NRCAM: variants seen among roughly 807,000 people sequenced by gnomAD.
NRCAM encodes NgCAM-related cell adhesion molecule.
NRCAM carries 83 observed loss-of-function variants against 156.5 expected under a neutral mutation model. The ratio of observed to expected loss-of-function variants is 0.53; its 90% confidence interval spans 0.44 to 0.64. NRCAM has a LOEUF of 0.64. Among genes scored for constraint, NRCAM ranks in the 30% least tolerant of loss-of-function variants. The pLI is 0.00. For synonymous variants in NRCAM, 538 were observed against 563.9 expected (o/e 0.95, Z 0.65); for missense variants, 1,417 against 1,597.3 (o/e 0.89, Z 1.92).
chr7:108,199,626 T>G (rs2076901499), intron 13 of NRCAM, among the ~76,000 whole-genome samples: 1 of 152,342 alleles, frequency 6.6e-6, no homozygotes, highest in East Asian at 1.9e-4. Flanking sequence ...GTTGCATCTC[T>G]CTGATCATTC....
intron 3 of NRCAM, among the ~76,000 whole-genome samples, chr7:108,297,466 A>T (rs1180737009): frequency 1.3e-5 from 2 of 152,240 alleles, no homozygotes; most frequent in Admixed American, 6.5e-5. Context: ...AGCTAACAAC[A>T]TTATCTGACA....
At chr7:108,392,120 T>C (rs555801493) in intron 2 of NRCAM, among the ~76,000 whole-genome samples, 3 of 152,336 alleles carry the variant, frequency 2.0e-5, no homozygotes, top group Non-Finnish European at 2.9e-5. Flanking sequence ...AATGTTGGCC[T>C]GCCTTGCTAT....
intron 13 of NRCAM, among the ~76,000 whole-genome samples, chr7:108,201,648 A>G (rs1439830150): frequency 3.3e-4 from 50 of 152,182 alleles, no homozygotes; most frequent in Admixed American, 3.3e-3. Flanking sequence ...TCAGTAGGAC[A>G]ATTTTCCCCA....
intron 3 of NRCAM, among the ~76,000 whole-genome samples, chr7:108,309,323 G>C (rs898038477): frequency 3.9e-5 from 6 of 152,144 alleles, no homozygotes; most frequent in Non-Finnish European, 8.8e-5. Flanking sequence ...AACTTTACTG[G>C]TATAAAACAA....
At position 108,189,687 on chromosome 7, in the gene NRCAM, G is replaced by A; in HGVS notation, c.1993C>T (p.Leu665=). 1 of 1,559,318 alleles carries A rather than the reference G, an allele frequency of 6.4e-7. No individual in the cohort carries two copies. Among genetic ancestry groups the A allele is most frequent in the Non-Finnish European group, 8.8e-7 (1 of 1,132,440 alleles). The change falls in exon 20 of 33, where the codon CTG becomes TTG. Residue 665 remains leucine (L), a synonymous_variant. Coordinates refer to ENST00000379028, the MANE Select transcript of NRCAM (RefSeq NM_001037132.4). ...TTGTCATCGCCTGGGGTCCATGACA[G>A]CTGAACACTTTTGTCAAGTTGATCT... ...LTDQLDKSVQ[L]SWTPGDDNNS...
chr7:108,446,826 G>A (rs1192644638), intron 1 of NRCAM, among the ~76,000 whole-genome samples: 1 of 150,172 alleles, frequency 6.7e-6, no homozygotes, highest in East Asian at 2.0e-4. Flanking sequence ...CTCCTGGGTT[G>A]AGGTGATTCT....
intron 12 of NRCAM, among the ~76,000 whole-genome samples, chr7:108,208,458 T>TA (rs2082313599): frequency 6.6e-6 from 1 of 152,214 alleles, no homozygotes; most frequent in African/African-American, 2.4e-5. Context: ...GTTAACATCT[T>TA]ATGTGACCAT....
Position 108,407,379 on chromosome 7 carries a change from G to A in NRCAM, c.-331-7786C>T, listed in dbSNP as rs192526689. On this transcript the variant is annotated intron_variant, in intron 1 of 32. Coordinates refer to ENST00000379028, the MANE Select transcript of NRCAM (RefSeq NM_001037132.4). ...TTTTATATGATTTTTTTAAAGGTGC[G>A]CTATTTTACTAGCACTGGCTGAAAA... is the stretch of plus-strand genomic sequence containing the variant. Among the ~76,000 whole-genome samples, 161 of 152,090 alleles carry A rather than the reference G, an allele frequency of 1.1e-3. 1 individual carries two copies. The highest frequency in any genetic ancestry group is 3.6e-3 in the African/African-American group (150 of 41,512).
rs535748967 is a variant in NRCAM at position 108,445,758 on chromosome 7, G to T, written c.-332+10485C>A. Among the ~76,000 whole-genome samples, 5 of 152,198 alleles carry T rather than the reference G, an allele frequency of 3.3e-5. No individual in the cohort carries two copies. The East Asian group carries it at 9.6e-4, about 29-fold the overall frequency. On this transcript the variant is annotated intron_variant, in intron 1 of 32. Transcript: ENST00000379028. ...TCTTCTCAAATTTTAATTAATCAAA[G>T]ATGTTACATAACTTTTTATTCTAGG...
At chr7:108,215,690 G>T (rs1237560375) in intron 11 of NRCAM, among the ~76,000 whole-genome samples, 1 of 147,576 alleles carries the variant, frequency 6.8e-6, no homozygotes, top group Admixed American at 6.7e-5. Flanking sequence ...ATCTTTGCTG[G>T]TTTAAAGTCT....
intron 2 of NRCAM, among the ~76,000 whole-genome samples, chr7:108,327,770 T>G (rs944204780): frequency 6.6e-6 from 1 of 152,122 alleles, no homozygotes; most frequent in African/African-American, 2.4e-5. Flanking sequence ...TACAGGAGAA[T>G]CAATACAAAA....
intron 2 of NRCAM, among the ~76,000 whole-genome samples, chr7:108,320,135 T>A (rs1422585673): frequency 6.6e-6 from 1 of 152,140 alleles, no homozygotes; most frequent in Non-Finnish European, 1.5e-5. Flanking sequence ...CTCCAATTTT[T>A]AATTATTTGG....
chr7:108,385,320 A>C (rs2075548885), intron 2 of NRCAM, among the ~76,000 whole-genome samples: 1 of 152,186 alleles, frequency 6.6e-6, no homozygotes, highest in Non-Finnish European at 1.5e-5. Flanking sequence ...CTACAGTCTA[A>C]TAACACCACT....
At position 108,160,420 on chromosome 7, in the gene NRCAM, A is replaced by G; in HGVS notation, c.3539T>C (p.Leu1180Pro). The G allele has an allele frequency of 6.2e-7, 1 of 1,613,714 alleles. No individual in the cohort carries two copies. Among genetic ancestry groups the G allele is most frequent in the Non-Finnish European group, 8.5e-7 (1 of 1,179,680 alleles). The change falls in exon 31 of 33, where the codon CTT becomes CCT. Residue 1180 changes from leucine to proline, a missense_variant. This residue lies in a region of NRCAM where 179 missense variants were observed against 260.9 expected (regional missense o/e 0.69). Transcript: ENST00000379028. ...FIGLMCAVAL[L>P]ILILLIVCFI... ...GCAAACAATCAGCAAAATTAAGATA[A>G]GGAGAGCAACAGCACACATCAGACC...
Position 108,184,445 on chromosome 7 carries a change from C to G in NRCAM, c.2205G>C (p.Ala735=), listed in dbSNP as rs401433. ...NSIGKSLPSE[A]SEQYLTKASE... ...AGGCTTTCGTCAAATACTGCTCAGA[C>G]GCCTCGCTGGGCAAGCTCTTCCCAA... The change falls in exon 21 of 33, where the codon GCG becomes GCC. Residue 735 remains alanine (A), a synonymous_variant. Transcript: ENST00000379028. The G allele has an allele frequency of 0.76, 1,226,400 of 1,613,832 alleles. 472,088 individuals are homozygous for G. The highest frequency in any genetic ancestry group is 0.95 in the East Asian group (42,741 of 44,880).
Position 108,435,356 on chromosome 7 carries a change from G to GA in NRCAM, c.-332+20886dup, listed in dbSNP as rs148629520. Among the ~76,000 whole-genome samples, 1,153 of 152,204 alleles carry GA rather than the reference G, an allele frequency of 7.6e-3. 12 individuals are homozygous for GA. The highest frequency in any genetic ancestry group is 0.026 in the African/African-American group (1,080 of 41,526). ...CAGATCAACAGAAATTATCTAATTT[G>GA]AAAAACACAAAGGAAAAAGTTTTAA... is the stretch of plus-strand genomic sequence containing the variant. On this transcript the variant is annotated intron_variant, in intron 1 of 32. Coordinates refer to ENST00000379028, the MANE Select transcript of NRCAM (RefSeq NM_001037132.4).
intron 1 of NRCAM, among the ~76,000 whole-genome samples, chr7:108,439,884 T>G (rs1836705454): frequency 1.4e-5 from 2 of 142,786 alleles, no homozygotes; most frequent in South Asian, 4.5e-4. Context: ...TTGGCAAGGA[T>G]GTCAAGAAGC....
intron 3 of NRCAM, among the ~76,000 whole-genome samples, chr7:108,288,668 T>G (rs1182340708): frequency 6.6e-6 from 1 of 152,116 alleles, no homozygotes; most frequent in Non-Finnish European, 1.5e-5. Flanking sequence ...TAAGAACCTG[T>G]CCCACTTCTA....
chr7:108,274,297 G>A (rs778629107), intron 3 of NRCAM, among the ~76,000 whole-genome samples: 1 of 152,192 alleles, frequency 6.6e-6, no homozygotes, highest in Non-Finnish European at 1.5e-5. Context: ...TAGTTTGATA[G>A]GGATAGCATT....
Sources: allele counts gnomAD v4.1 joint callset (sites outside exome capture counted in the v4.1 genomes callset), GRCh38; gene constraint gnomAD v4.1.1; regional missense constraint gnomAD v4.1.1; transcripts MANE v1.5; gene names NCBI Gene and HGNC (gene_info 2026-07-23, HGNC 2026-07-21).